The following IMMP2L variants were observed in gnomAD, a reference collection of about 807,000 sequenced individuals.
The protein encoded by IMMP2L is inner mitochondrial membrane peptidase subunit 2, also known as mitochondrial inner membrane protease subunit 2.
Under a neutral mutation model 19.3 loss-of-function variants are expected in IMMP2L, and 18 were observed. That is an observed-to-expected ratio of 0.93 (90% CI 0.64 to 1.38). The LOEUF (loss-of-function observed/expected upper bound fraction) is 1.38. Among genes scored for constraint, IMMP2L ranks in the 40% most tolerant of loss-of-function variants. The pLI, the probability that IMMP2L is intolerant of heterozygous loss-of-function variation, is 0.00. For synonymous variants in IMMP2L, 76 were observed against 73.0 expected, an observed-to-expected ratio of 1.04 and a Z score of -0.21; for missense variants, 233 against 218.2, an observed-to-expected ratio of 1.07 and a Z score of -0.43.
intron 5 of IMMP2L, among the ~76,000 whole-genome samples, chr7:110,693,031 T>C (rs1793622442): frequency 6.6e-6 from 1 of 152,204 alleles, no homozygotes; most frequent in Non-Finnish European, 1.5e-5. Flanking sequence ...TTCTTCCTGG[T>C]GATGCATCTC....
chr7:111,435,134 A>G (rs1187921695), intron 3 of IMMP2L, among the ~76,000 whole-genome samples: 1 of 151,950 alleles, frequency 6.6e-6, no homozygotes, highest in Non-Finnish European at 1.5e-5. Flanking sequence ...AGATTTCTCA[A>G]AGAATTAAAA....
intron 3 of IMMP2L, among the ~76,000 whole-genome samples, chr7:111,347,159 G>T (rs145748630): frequency 3.3e-5 from 5 of 152,072 alleles, no homozygotes; most frequent in African/African-American, 4.8e-5. Context: ...TGAGGAAGAA[G>T]AATTTTGTTC....
intron 3 of IMMP2L, among the ~76,000 whole-genome samples, chr7:111,367,691 T>A (rs1829906210): frequency 6.6e-6 from 1 of 151,922 alleles, no homozygotes; most frequent in Non-Finnish European, 1.5e-5. Context: ...AAAGGTTAAG[T>A]AACCTGTCCA....
chr7:111,428,206 G>C (rs1430504141), intron 3 of IMMP2L, among the ~76,000 whole-genome samples: 1 of 151,658 alleles, frequency 6.6e-6, no homozygotes, highest in African/African-American at 2.4e-5. Context: ...GAAAATGATA[G>C]AGTAATTAGA....
At chr7:110,892,147 C>T (rs912711345) in intron 4 of IMMP2L, among the ~76,000 whole-genome samples, 1 of 152,110 alleles carries the variant, frequency 6.6e-6, no homozygotes, top group Non-Finnish European at 1.5e-5. Flanking sequence ...TGTTCCCTGA[C>T]GTTCCCTTAT....
At position 110,787,857 on chromosome 7, in the gene IMMP2L, C is replaced by CA. The variant is rs61235379; in HGVS notation, c.408+98735dup. On this transcript the variant is annotated intron_variant, in intron 5 of 5. Transcript: ENST00000405709. ...ATAAATGGTAAAGTTCCAGGAAGGACAAAAAAAACAGATTAAGAGAATGGA... is the reference window on the plus strand; with the variant it reads ...ATAAATGGTAAAGTTCCAGGAAGGACAAAAAAAAACAGATTAAGAGAATGGA... Among the ~76,000 whole-genome samples the CA allele has an allele frequency of 2.2e-3, 335 of 150,868 alleles. 1 individual carries two copies. The highest frequency in any genetic ancestry group is 7.5e-3 in the African/African-American group (308 of 41,136).
intron 5 of IMMP2L, among the ~76,000 whole-genome samples, chr7:110,847,620 AAGG>A: frequency 6.6e-6 from 1 of 152,254 alleles, no homozygotes; most frequent in South Asian, 2.1e-4. Flanking sequence ...CTCAATATTG[AAGG>A]AGAAGAAGAA....
chr7:110,752,508 T>C (rs988146172), intron 5 of IMMP2L, among the ~76,000 whole-genome samples: 3 of 152,200 alleles, frequency 2.0e-5, no homozygotes, highest in Admixed American at 1.3e-4. Flanking sequence ...GTTATGATTA[T>C]ATTAAACAAT....
intron 4 of IMMP2L, among the ~76,000 whole-genome samples, chr7:110,926,016 T>C (rs1381325902): frequency 6.6e-6 from 1 of 152,024 alleles, no homozygotes; most frequent in Non-Finnish European, 1.5e-5. Flanking sequence ...GCAAAAAATA[T>C]ACTAATGATG....
At chr7:111,174,301 C>G (rs1209642329) in intron 3 of IMMP2L, among the ~76,000 whole-genome samples, 2 of 151,614 alleles carry the variant, frequency 1.3e-5, no homozygotes, top group Non-Finnish European at 3.0e-5. Flanking sequence ...TAATACAAAT[C>G]AGAAAGCTGA....
intron 1 of IMMP2L, among the ~76,000 whole-genome samples, chr7:111,531,967 A>G (rs947195721): frequency 1.3e-5 from 2 of 152,126 alleles, no homozygotes. Flanking sequence ...AATTGGCTTT[A>G]AAAAAATTAA....
intron 3 of IMMP2L, among the ~76,000 whole-genome samples, chr7:111,122,074 T>G (rs1800705445): frequency 8.7e-6 from 1 of 114,520 alleles, no homozygotes; most frequent in Non-Finnish European, 1.8e-5. Context: ...CACCGGGGCC[T>G]GTTGTGGGGT....
intron 3 of IMMP2L, among the ~76,000 whole-genome samples, chr7:111,402,991 A>AC (rs781654530): frequency 0.03 from 1,382 of 45,520 alleles, 40 homozygotes; most frequent in African/African-American, 0.07. Flanking sequence ...TGCAGCCTTG[A>AC]CCCCCCCCCC....
chr7:111,365,516 G>T (rs555486808), intron 3 of IMMP2L, among the ~76,000 whole-genome samples: 4 of 152,022 alleles, frequency 2.6e-5, no homozygotes, highest in Non-Finnish European at 4.4e-5. Flanking sequence ...TATAAATAAG[G>T]CAACAAGAAT....
intron 3 of IMMP2L, among the ~76,000 whole-genome samples, chr7:111,056,665 T>C (rs984846025): frequency 9.2e-5 from 14 of 152,210 alleles, no homozygotes; most frequent in African/African-American, 2.4e-4. Flanking sequence ...TACTGATAAA[T>C]AGGCAGTCAA....
At chr7:111,396,281 G>A (rs144185902) in intron 3 of IMMP2L, among the ~76,000 whole-genome samples, 9 of 152,166 alleles carry the variant, frequency 5.9e-5, no homozygotes, top group South Asian at 2.1e-4. Flanking sequence ...ATGATAAACC[G>A]GATAAAGAAA....
chr7:111,214,090 GA>G (rs1279989751), intron 3 of IMMP2L, among the ~76,000 whole-genome samples: 1 of 151,740 alleles, frequency 6.6e-6, no homozygotes, highest in South Asian at 2.1e-4. Flanking sequence ...ATTTTATCTT[GA>G]AAAAAATTAT....
At chr7:111,334,893 A>G (rs1223337266) in intron 3 of IMMP2L, among the ~76,000 whole-genome samples, 2 of 152,104 alleles carry the variant, frequency 1.3e-5, no homozygotes, top group African/African-American at 2.4e-5. Flanking sequence ...ATTCGGGGTA[A>G]TATCAGTCAG....
At chr7:110,933,155 G>T (rs769844918) in intron 4 of IMMP2L, among the ~76,000 whole-genome samples, 1 of 152,176 alleles carries the variant, frequency 6.6e-6, no homozygotes, top group African/African-American at 2.4e-5. Context: ...GCTACACAGA[G>T]AAACAGACCT....
Sources: allele counts gnomAD v4.1 joint callset (sites outside exome capture counted in the v4.1 genomes callset), GRCh38; gene constraint gnomAD v4.1.1; transcripts MANE v1.5; gene names NCBI Gene and HGNC (gene_info 2026-07-23, HGNC 2026-07-21).